Variants in DLG2 observed in about 807,000 individuals in gnomAD.
DLG2 encodes the protein discs large MAGUK scaffold protein 2.
Under a neutral mutation model 132.5 loss-of-function variants are expected in DLG2, and 45 were observed. That is an observed-to-expected ratio of 0.34 (90% CI 0.27 to 0.44). The LOEUF is 0.44. DLG2 is among the 20% of genes least tolerant of loss of function. The pLI is 1.00. For synonymous variants in DLG2, 424 were observed against 419.6 expected (o/e 1.01, Z -0.13); for missense variants, 1,045 against 1,196.9 (o/e 0.87, Z 1.87).
chr11:84,149,393 A>G (rs1272088330), intron 9 of DLG2, among the ~76,000 whole-genome samples: 1 of 152,190 alleles, frequency 6.6e-6, no homozygotes, highest in Non-Finnish European at 1.5e-5. Flanking sequence ...TAAATTTTGT[A>G]TATGATAAAA....
At chr11:84,623,796 A>G (rs2099617813) in intron 6 of DLG2, among the ~76,000 whole-genome samples, 1 of 152,194 alleles carries the variant, frequency 6.6e-6, no homozygotes, top group South Asian at 2.1e-4. Flanking sequence ...CCCTACCACC[A>G]TAGTATACAT....
chr11:85,176,529 G>C (rs1403372862), intron 4 of DLG2, among the ~76,000 whole-genome samples: 1 of 152,004 alleles, frequency 6.6e-6, no homozygotes, highest in Non-Finnish European at 1.5e-5. Flanking sequence ...AATCTAGATA[G>C]TACCATTTAG....
intron 14 of DLG2, among the ~76,000 whole-genome samples, chr11:83,935,645 G>C (rs970816236): frequency 6.6e-6 from 1 of 152,072 alleles, no homozygotes; most frequent in Middle Eastern, 3.2e-3. Context: ...AATTTCCACG[G>C]GGGCAGTTGG....
chr11:85,465,614 G>A (rs904487901), intron 3 of DLG2, among the ~76,000 whole-genome samples: 3 of 152,090 alleles, frequency 2.0e-5, no homozygotes, highest in African/African-American at 4.8e-5. Flanking sequence ...CTTCATCCAT[G>A]TCCTTACAAA....
At position 83,845,795 on chromosome 11, in the gene DLG2, T is replaced by C. The variant is rs574423830; in HGVS notation, c.1566-12025A>G. On this transcript the variant is annotated intron_variant, in intron 16 of 27. Coordinates refer to ENST00000376104, the MANE Select transcript of DLG2 (RefSeq NM_001142699.3). Reference sequence around the variant, plus strand: ...TAGATCTAGGCTTGAATCATAATCCTACCAATAAATACTTGAGTAACCTTG... The same window carrying C: ...TAGATCTAGGCTTGAATCATAATCCCACCAATAAATACTTGAGTAACCTTG... 2.6e-4 allele frequency among the ~76,000 whole-genome samples: 39 copies of C among 152,350 alleles called. 1 individual carries two copies. In the South Asian group the frequency reaches 7.9e-3, roughly 31 times the overall value.
At chr11:85,538,609 A>C (rs1320639475) in intron 3 of DLG2, among the ~76,000 whole-genome samples, 1 of 151,974 alleles carries the variant, frequency 6.6e-6, no homozygotes, top group Non-Finnish European at 1.5e-5. Flanking sequence ...ATCAATGATA[A>C]ACTGGATAAA....
intron 15 of DLG2, among the ~76,000 whole-genome samples, chr11:83,916,632 T>C (rs1225998803): frequency 6.6e-6 from 1 of 152,150 alleles, no homozygotes; most frequent in Non-Finnish European, 1.5e-5. Flanking sequence ...TAGTTTTTAA[T>C]AACAAAACTT....
At chr11:84,930,828 C>T (rs756310806) in intron 6 of DLG2, among the ~76,000 whole-genome samples, 1 of 152,094 alleles carries the variant, frequency 6.6e-6, no homozygotes, top group Non-Finnish European at 1.5e-5. Flanking sequence ...TAACTACTTC[C>T]TCTAATCACA....
intron 11 of DLG2, among the ~76,000 whole-genome samples, chr11:84,020,594 C>A (rs149285505): frequency 3.3e-5 from 5 of 152,184 alleles, no homozygotes; most frequent in African/African-American, 1.2e-4. Flanking sequence ...AGGACAGACA[C>A]ACAGGAAAGC....
rs565318331 is a variant in DLG2 at position 83,577,191 on chromosome 11, G to A, written c.1941-35333C>T. On this transcript the variant is annotated intron_variant, in intron 19 of 27. Coordinates refer to ENST00000376104, the MANE Select transcript of DLG2 (RefSeq NM_001142699.3). Reference sequence around the variant, plus strand: ...TGGATGCTTCCTGCCCTCGAACATCGGACTCCAAGTTCTTCAGTTTTGGGA... The same window carrying A: ...TGGATGCTTCCTGCCCTCGAACATCAGACTCCAAGTTCTTCAGTTTTGGGA... Among the ~76,000 whole-genome samples, 254 of 151,880 alleles carry A rather than the reference G, an allele frequency of 1.7e-3. 3 individuals are homozygous for A. Among genetic ancestry groups the A allele is most frequent in the African/African-American group, 5.7e-3 (234 of 41,412 alleles).
chr11:83,722,404 G>A (rs146811442), intron 18 of DLG2, among the ~76,000 whole-genome samples: 1 of 152,300 alleles, frequency 6.6e-6, no homozygotes, highest in Non-Finnish European at 1.5e-5. Flanking sequence ...CCTAGCTCAA[G>A]GCACTCATAA....
intron 6 of DLG2, among the ~76,000 whole-genome samples, chr11:85,101,815 C>T (rs1470100447): frequency 6.6e-6 from 1 of 152,052 alleles, no homozygotes; most frequent in African/African-American, 2.4e-5. Context: ...AAAGATAGAG[C>T]TTAGCAACCC....
At chr11:84,510,538 T>A (rs1050516926) in intron 7 of DLG2, among the ~76,000 whole-genome samples, 2 of 152,176 alleles carry the variant, frequency 1.3e-5, no homozygotes, top group Non-Finnish European at 2.9e-5. Flanking sequence ...GTAATATAGT[T>A]TATTTTTTTC....
At chr11:84,043,768 A>C (rs1318457049) in intron 11 of DLG2, among the ~76,000 whole-genome samples, 1 of 151,610 alleles carries the variant, frequency 6.6e-6, no homozygotes, top group East Asian at 1.9e-4. Context: ...ATTTTCAGTG[A>C]CATCTATTTT....
intron 7 of DLG2, among the ~76,000 whole-genome samples, chr11:84,351,201 A>G (rs186325945): frequency 2.6e-5 from 4 of 151,996 alleles, no homozygotes; most frequent in Non-Finnish European, 5.9e-5. Context: ...TTTTCATTTG[A>G]TTCCAAAATT....
At chr11:84,219,078 T>C (rs1285152176) in intron 8 of DLG2, among the ~76,000 whole-genome samples, 2 of 152,204 alleles carry the variant, frequency 1.3e-5, no homozygotes, top group Middle Eastern at 3.2e-3. Context: ...GTAAATACCA[T>C]GATTTACTGG....
At chr11:85,492,417 T>G (rs890380221) in intron 3 of DLG2, among the ~76,000 whole-genome samples, 3 of 152,198 alleles carry the variant, frequency 2.0e-5, no homozygotes, top group Admixed American at 2.0e-4. Flanking sequence ...GAGGAAGCTG[T>G]CTAGATATAC....
At chr11:85,401,219 CAG>C (rs1261821845) in intron 3 of DLG2, among the ~76,000 whole-genome samples, 1 of 152,120 alleles carries the variant, frequency 6.6e-6, no homozygotes, top group Non-Finnish European at 1.5e-5. Context: ...ATCACATAAA[CAG>C]AACCAATGAC....
chr11:84,620,041 T>C (rs2154540892), intron 6 of DLG2, among the ~76,000 whole-genome samples: 1 of 151,764 alleles, frequency 6.6e-6, no homozygotes, highest in Non-Finnish European at 1.5e-5. Context: ...AGACCCATTT[T>C]AATAATAATT....
Sources: allele counts gnomAD v4.1 joint callset (sites outside exome capture counted in the v4.1 genomes callset), GRCh38; gene constraint gnomAD v4.1.1; transcripts MANE v1.5; gene names NCBI Gene and HGNC (gene_info 2026-07-23, HGNC 2026-07-21).